ENKUR: variants seen among roughly 807,000 people sequenced by gnomAD.
The protein encoded by ENKUR is enkurin.
ENKUR carries 19 observed loss-of-function variants against 27.6 expected under a neutral mutation model. The ratio of observed to expected loss-of-function variants is 0.69; its 90% CI spans 0.48 to 1.01. ENKUR has a LOEUF of 1.01. Ranked by LOEUF, ENKUR falls within the 50% of genes least tolerant of loss-of-function variation. The pLI is 0.00. For missense variants in ENKUR, 312 were observed against 310.5 expected, an observed-to-expected ratio of 1.00 and a Z score of -0.04; for synonymous variants, 117 against 96.9, an observed-to-expected ratio of 1.21 and a Z score of -1.22.
intron 1 of ENKUR, among the ~76,000 whole-genome samples, chr10:25,015,172 T>A (rs1850537884): frequency 6.6e-6 from 1 of 152,222 alleles, no homozygotes; most frequent in Admixed American, 6.5e-5. Flanking sequence ...TGGGAGTAAC[T>A]GAAGTGCTTC....
chr10:25,029,074 T>C (rs540398293), intron 2 of ENKUR, among the ~76,000 whole-genome samples: 27 of 152,312 alleles, frequency 1.8e-4, no homozygotes, highest in African/African-American at 5.8e-4. Context: ...ACTTACCCAC[T>C]ACTGGACATT....
At chr10:25,019,838 T>A (rs2132745646), upstream of ENKUR, among the ~76,000 whole-genome samples, 1 of 152,360 alleles carries the variant, frequency 6.6e-6, no homozygotes, top group South Asian at 2.1e-4. Flanking sequence ...GAACCATTTT[T>A]ATGATCATTC....
At chr10:25,058,794 A>G (rs1012236296) in intron 2 of ENKUR, among the ~76,000 whole-genome samples, 2 of 151,960 alleles carry the variant, frequency 1.3e-5, no homozygotes, top group Non-Finnish European at 2.9e-5. Flanking sequence ...AGCCAGGTGT[A>G]GTGGCTCATG....
At position 24,982,062 on chromosome 10, in the gene ENKUR, AG is replaced by A. The variant is rs1849679313; in HGVS notation, c.*2307del. 6.6e-6 allele frequency: 1 copy of A among 152,236 alleles called. No homozygotes were observed. Among genetic ancestry groups the A allele is most frequent in the African/African-American group, 2.4e-5 (1 of 41,464 alleles). The allele number at this position is 152,236 out of a possible 1,614,324, so 9.4% of individuals were successfully genotyped here. On this transcript the variant is annotated 3_prime_UTR_variant, in exon 6 of 6. Transcript: ENST00000331161. ...TATACCAGCTGTTATGCAGATTCTA[AG>A]GAATGCAGATGAAAATGTATACAGT...
Sources: gnomAD v4.1 joint callset for allele counts (sites outside exome capture counted in the v4.1 genomes callset) on GRCh38, gnomAD v4.1.1 for gene constraint, MANE v1.5 for transcripts, NCBI Gene and HGNC (gene_info 2026-07-23, HGNC 2026-07-21) for gene names.